Variants in MACROD2 observed in about 807,000 individuals in gnomAD.
MACROD2 encodes the protein mono-ADP ribosylhydrolase 2, also known as ADP-ribose glycohydrolase MACROD2.
MACROD2 carries 36 observed loss-of-function variants against 70.4 expected under a neutral mutation model. The ratio of observed to expected loss-of-function variants is 0.51; its 90% CI spans 0.39 to 0.68. MACROD2 has a LOEUF of 0.68. Among genes scored for constraint, MACROD2 ranks in the 30% least tolerant of loss-of-function variants. The pLI is 0.00. For missense variants in MACROD2, 496 were observed against 538.4 expected (o/e 0.92, Z 0.78); for synonymous variants, 172 against 178.8 (o/e 0.96, Z 0.30).
chr20:15,685,657 C>A (rs1332803731), intron 8 of MACROD2, among the ~76,000 whole-genome samples: 2 of 152,046 alleles, frequency 1.3e-5, no homozygotes, highest in African/African-American at 4.8e-5. Flanking sequence ...AAACCATGAC[C>A]TTCTAACCTC....
At chr20:14,943,340 A>G (rs1264148794) in intron 5 of MACROD2, among the ~76,000 whole-genome samples, 1 of 152,086 alleles carries the variant, frequency 6.6e-6, no homozygotes, top group African/African-American at 2.4e-5. Context: ...TTTTTTATTT[A>G]AGTTTTATAG....
intron 4 of MACROD2, among the ~76,000 whole-genome samples, chr20:14,526,787 C>T (rs1021289413): frequency 1.3e-5 from 2 of 152,202 alleles, no homozygotes; most frequent in African/African-American, 4.8e-5. Flanking sequence ...GCTCCAAACC[C>T]ACGACAGTGT....
At chr20:14,564,922 C>CATGGAATCAACCTA (rs1979680057) in intron 4 of MACROD2, among the ~76,000 whole-genome samples, 1 of 151,824 alleles carries the variant, frequency 6.6e-6, no homozygotes, top group Non-Finnish European at 1.5e-5. Context: ...AAAGCAGAGT[C>CATGGAATCAACCTA]ATGGAATCAA....
At chr20:15,883,535 G>A (rs747969406) in intron 9 of MACROD2, among the ~76,000 whole-genome samples, 1 of 151,890 alleles carries the variant, frequency 6.6e-6, no homozygotes, top group Non-Finnish European at 1.5e-5. Context: ...ATCAAGAATT[G>A]CCTTTCTAAA....
At chr20:15,904,352 A>G (rs2065110936) in intron 10 of MACROD2, among the ~76,000 whole-genome samples, 1 of 152,120 alleles carries the variant, frequency 6.6e-6, no homozygotes, top group African/African-American at 2.4e-5. Context: ...CAAAATTTTC[A>G]GGCACAAAGA....
chr20:15,601,205 C>A (rs1171209014), intron 8 of MACROD2, among the ~76,000 whole-genome samples: 4 of 152,184 alleles, frequency 2.6e-5, no homozygotes, highest in African/African-American at 9.7e-5. Flanking sequence ...GTCAGCCCCC[C>A]TTATTGGCAA....
intron 11 of MACROD2, 49 bp downstream of exon 11, chr20:15,933,387 G>C: frequency 6.5e-7 from 1 of 1,532,176 alleles, no homozygotes; most frequent in Non-Finnish European, 9.0e-7. Context: ...ATCTGCAGAG[G>C]TGAACAGTAA....
At chr20:15,760,325 G>A (rs533886357) in intron 8 of MACROD2, among the ~76,000 whole-genome samples, 1 of 152,346 alleles carries the variant, frequency 6.6e-6, no homozygotes, top group East Asian at 1.9e-4. Context: ...CCTCAAGAGA[G>A]CCAGGTGGGC....
At chr20:14,317,025 T>C (rs2122535288) in intron 3 of MACROD2, among the ~76,000 whole-genome samples, 1 of 152,328 alleles carries the variant, frequency 6.6e-6, no homozygotes, top group East Asian at 1.9e-4. Context: ...TATTCAGGCC[T>C]ACCTTGCTGA....
At chr20:14,411,582 A>G (rs1195861041) in intron 3 of MACROD2, among the ~76,000 whole-genome samples, 1 of 152,098 alleles carries the variant, frequency 6.6e-6, no homozygotes, top group Non-Finnish European at 1.5e-5. Flanking sequence ...AAGATACTAA[A>G]TACTATCACT....
chr20:15,014,553 T>C (rs955968136), intron 5 of MACROD2, among the ~76,000 whole-genome samples: 1 of 152,186 alleles, frequency 6.6e-6, no homozygotes, highest in African/African-American at 2.4e-5. Flanking sequence ...TCAGAGTTAA[T>C]ACGGGTTGAA....
At chr20:15,229,309 A>G (rs1415077758) in intron 5 of MACROD2, among the ~76,000 whole-genome samples, 1 of 152,244 alleles carries the variant, frequency 6.6e-6, no homozygotes, top group Non-Finnish European at 1.5e-5. Flanking sequence ...ACAATAAAAT[A>G]GATAATTAAC....
intron 5 of MACROD2, among the ~76,000 whole-genome samples, chr20:14,705,206 C>A (rs2071254692): frequency 6.6e-6 from 1 of 152,070 alleles, no homozygotes; most frequent in South Asian, 2.1e-4. Flanking sequence ...TTTATTCTAC[C>A]CGTCTGTTAC....
chr20:15,105,234 C>CA (rs2075902015), intron 5 of MACROD2, among the ~76,000 whole-genome samples: 1 of 152,032 alleles, frequency 6.6e-6, no homozygotes, highest in Non-Finnish European at 1.5e-5. Flanking sequence ...CTTGTCTTGG[C>CA]TCTATTTGTA....
At chr20:14,869,021 ATCACAACAGAGCACTAAAAGG>A (rs1347842381) in intron 5 of MACROD2, among the ~76,000 whole-genome samples, 44 of 152,164 alleles carry the variant, frequency 2.9e-4, no homozygotes, top group Non-Finnish European at 1.5e-5. Context: ...ACTCCAAAAG[ATCACAACAGAGCACTAAAAGG>A]TCACAACAGA....
At chr20:15,578,985 T>A (rs2048487311) in intron 8 of MACROD2, among the ~76,000 whole-genome samples, 1 of 152,198 alleles carries the variant, frequency 6.6e-6, no homozygotes, top group Non-Finnish European at 1.5e-5. Flanking sequence ...AAATTAAATT[T>A]TAGGAAAATT....
At chr20:14,276,045 C>T (rs961348194) in intron 3 of MACROD2, among the ~76,000 whole-genome samples, 1 of 151,096 alleles carries the variant, frequency 6.6e-6, no homozygotes, top group Non-Finnish European at 1.5e-5. Flanking sequence ...TAAACTAGTT[C>T]AACCATTGTG....
intron 7 of MACROD2, among the ~76,000 whole-genome samples, chr20:15,468,552 A>C (rs537442318): frequency 6.6e-6 from 1 of 152,370 alleles, no homozygotes; most frequent in East Asian, 1.9e-4. Context: ...AGAGAAGCTC[A>C]GTGGCTGTGC....
chr20:14,335,169 A>G (rs547318715), intron 3 of MACROD2, among the ~76,000 whole-genome samples: 1 of 152,266 alleles, frequency 6.6e-6, no homozygotes, highest in East Asian at 1.9e-4. Flanking sequence ...AAGCACAGAA[A>G]AATCTCTCTG....
Sources: allele counts gnomAD v4.1 joint callset (sites outside exome capture counted in the v4.1 genomes callset), GRCh38; gene constraint gnomAD v4.1.1; transcripts MANE v1.5; gene names NCBI Gene and HGNC (gene_info 2026-07-23, HGNC 2026-07-21).